The following KIAA0319 variants were observed in gnomAD, a reference collection of about 807,000 sequenced individuals.
The protein encoded by KIAA0319 is KIAA0319.
A neutral mutation model predicts 108.4 loss-of-function variants in KIAA0319; 83 were observed. The observed-to-expected ratio is 0.77, with a 90% CI of 0.64 to 0.92. The LOEUF (loss-of-function observed/expected upper bound fraction) is 0.92. KIAA0319 is among the 40% of genes least tolerant of loss of function. The probability of loss-of-function intolerance (pLI) is 0.00; values close to 1 mark genes in which losing one functional copy is unlikely to be tolerated. For missense variants in KIAA0319, 1,195 were observed against 1,322.4 expected, an observed-to-expected ratio of 0.90 and a Z score of 1.49; for synonymous variants, 484 against 510.4, an observed-to-expected ratio of 0.95 and a Z score of 0.70.
At chr6:24,540,819 C>T (rs77328992), downstream of KIAA0319, among the ~76,000 whole-genome samples, 2,523 of 152,242 alleles carry the variant, frequency 0.017, 68 homozygotes, top group African/African-American at 0.057. Flanking sequence ...CCCGTGTACC[C>T]TTCACCCAGT....
At chr6:24,589,650 A>G (rs1768144164) in intron 3 of KIAA0319, among the ~76,000 whole-genome samples, 1 of 152,200 alleles carries the variant, frequency 6.6e-6, no homozygotes, top group Non-Finnish European at 1.5e-5. Context: ...CTCCCCAGCC[A>G]TGTGGAACTG....
Position 24,547,080 on chromosome 6 carries a change from T to A in KIAA0319, c.*85A>T. ...CTGGGGAAGAAGGTCAATGAACTAT[T>A]CTAAAAGAGTGGGTTTTGTGCTGTA... On this transcript the variant is annotated 3_prime_UTR_variant, in exon 21 of 21. Transcript: ENST00000378214. 7.2e-7 allele frequency: 1 copy of A among 1,388,890 alleles called. No individual in the cohort carries two copies. Among genetic ancestry groups the A allele is most frequent in the Admixed American group, 1.7e-5 (1 of 58,070 alleles). 86.0% of individuals were successfully genotyped at this position (1,388,890 alleles called of 1,614,324 possible).
intron 2 of KIAA0319, chr6:24,598,659 T>C (rs766404492): frequency 6.1e-5 from 18 of 294,534 alleles, no homozygotes; most frequent in Middle Eastern, 1.2e-3. Flanking sequence ...GTGGATCACC[T>C]GAGGATAGGA....
rs1316437775 is a variant in KIAA0319, at chr6:24,546,175, T to C, written c.*990A>G. 2.0e-5 allele frequency: 3 copies of C among 152,180 alleles called. No homozygotes were observed. Among genetic ancestry groups the C allele is most frequent in the African/African-American group, 7.2e-5 (3 of 41,416 alleles). The allele number at this position is 152,180 out of a possible 1,614,324, so 9.4% of individuals were successfully genotyped here. ...GTGAATACATCTATGTCAAGTTATTTTGGAAAGTACCTGTCGGGGACCAGA... is the reference window on the plus strand; with the variant it reads ...GTGAATACATCTATGTCAAGTTATTCTGGAAAGTACCTGTCGGGGACCAGA... On this transcript the variant is annotated 3_prime_UTR_variant, in exon 21 of 21. Transcript: ENST00000378214.
chr6:24,639,997 A>T (rs1161011740), intron 1 of KIAA0319, among the ~76,000 whole-genome samples: 4 of 151,788 alleles, frequency 2.6e-5, no homozygotes, highest in African/African-American at 9.7e-5. Flanking sequence ...AGGGAAACTG[A>T]CATTAAAGTA....
Position 24,599,336 on chromosome 6 carries a change from G to T in KIAA0319, c.55+1713C>A. 2 of 509,884 alleles carry T rather than the reference G, an allele frequency of 3.9e-6. No individual in the cohort carries two copies. Among genetic ancestry groups the T allele is most frequent in the East Asian group, 4.3e-5 (1 of 23,016 alleles). The allele number at this position is 509,884 out of a possible 1,614,324, so 31.6% of individuals were successfully genotyped here. A position where few individuals can be genotyped will look rare whatever the true frequency, so the allele number is the denominator to read the frequency against. On this transcript the variant is annotated intron_variant, in intron 2 of 20. Transcript: ENST00000378214. The surrounding 1 kb of genome is among the most constrained non-coding windows in gnomAD (Gnocchi z 4.1). Reference sequence around the variant, plus strand: ...AGACTGAGGGCCTCAAAGGCTAGAGGGCTTCCCTAGAGGCCACCATTGTGG... The same window carrying T: ...AGACTGAGGGCCTCAAAGGCTAGAGTGCTTCCCTAGAGGCCACCATTGTGG...
At chr6:24,635,179 C>T (rs1194912032) in intron 1 of KIAA0319, among the ~76,000 whole-genome samples, 1 of 150,390 alleles carries the variant, frequency 6.6e-6, no homozygotes, top group South Asian at 2.1e-4. Flanking sequence ...GATCTTAGCT[C>T]ACTGCAACCT....
intron 5 of KIAA0319, among the ~76,000 whole-genome samples, chr6:24,582,577 A>G (rs1766751747): frequency 6.6e-6 from 1 of 151,558 alleles, no homozygotes; most frequent in South Asian, 2.1e-4. Flanking sequence ...CAGCCAAGAT[A>G]ACATGTATCT....
intron 1 of KIAA0319, among the ~76,000 whole-genome samples, chr6:24,627,751 C>G (rs1025868992): frequency 4.6e-5 from 7 of 152,218 alleles, no homozygotes; most frequent in Non-Finnish European, 1.0e-4. Context: ...AATCTTCTTA[C>G]TGGTTTCAGT....
chr6:24,561,995 A>C (rs777879047), intron 16 of KIAA0319, among the ~76,000 whole-genome samples: 11 of 151,982 alleles, frequency 7.2e-5, no homozygotes, highest in Non-Finnish European at 1.3e-4. Context: ...CAGCCACCGC[A>C]CCTGGCCACC....
intron 18 of KIAA0319, 90 bp from the exon 19 acceptor site, chr6:24,554,721 C>T: frequency 1.0e-6 from 1 of 961,212 alleles, no homozygotes; most frequent in Non-Finnish European, 1.6e-6. Flanking sequence ...ATTTCTGAAT[C>T]CCTACAAGGA....
chr6:24,542,585 C>CGGG (rs1760235091), downstream of KIAA0319, among the ~76,000 whole-genome samples: 1 of 152,118 alleles, frequency 6.6e-6, no homozygotes, highest in African/African-American at 2.4e-5. Flanking sequence ...AATTAGTCCA[C>CGGG]ACCTGTAGTC....
At chr6:24,567,184 CA>C (rs35022786) in intron 13 of KIAA0319, among the ~76,000 whole-genome samples, 131,390 of 150,430 alleles carry the variant, frequency 0.87, 58,241 homozygotes, top group African/African-American at 0.97. Context: ...CTCTCTAAGA[CA>C]AAAAAAAAGA....
At chr6:24,616,529 T>A (rs927329184) in intron 1 of KIAA0319, among the ~76,000 whole-genome samples, 1 of 152,152 alleles carries the variant, frequency 6.6e-6, no homozygotes, top group East Asian at 1.9e-4. Context: ...AATTTTTGTA[T>A]TTTTAGTAGA....
intron 19 of KIAA0319, among the ~76,000 whole-genome samples, chr6:24,553,294 T>TATATATATATATATATATATATAC (rs1554142428): frequency 6.6e-5 from 6 of 91,062 alleles, no homozygotes; most frequent in African/African-American, 1.4e-4. Flanking sequence ...TATATATATA[T>TATATATATATATATATATATATAC]ACACACACAC....
chr6:24,570,136 G>C (rs1581981134), intron 11 of KIAA0319, 101 bp from the exon 12 acceptor site: 1 of 1,117,026 alleles, frequency 9.0e-7, no homozygotes. Context: ...TTCAGACCAG[G>C]CAGCCACTAG....
chr6:24,579,427 A>G (rs1766063733), intron 8 of KIAA0319, among the ~76,000 whole-genome samples: 1 of 143,080 alleles, frequency 7.0e-6, no homozygotes, highest in African/African-American at 2.5e-5. Context: ...ATATATATAT[A>G]TATATCTTAT....
chr6:24,595,546 CAAAAAAAAAAAAA>C (rs60291863), intron 3 of KIAA0319, among the ~76,000 whole-genome samples: 1 of 43,276 alleles, frequency 2.3e-5, no homozygotes, highest in African/African-American at 8.6e-5. Flanking sequence ...GATTCAATCT[CAAAAAAAAAAAAA>C]AAAAAAAAAA....
intron 1 of KIAA0319, among the ~76,000 whole-genome samples, chr6:24,625,942 C>CA (rs1774653419): frequency 6.6e-6 from 1 of 152,148 alleles, no homozygotes; most frequent in Non-Finnish European, 1.5e-5. Flanking sequence ...GGAAATAACT[C>CA]AAATGCCCAT....
Sources: gnomAD v4.1 joint callset for allele counts (sites outside exome capture counted in the v4.1 genomes callset) on GRCh38, gnomAD v4.1.1 for gene constraint, Gnocchi (gnomAD v3.1) non-coding constraint, MANE v1.5 for transcripts, NCBI Gene and HGNC (gene_info 2026-07-23, HGNC 2026-07-21) for gene names.